Variants in CIMIP2C observed in about 807,000 individuals in gnomAD.
The protein encoded by CIMIP2C is UPF0573 protein C2orf70.
the CIMIP2C span, among the ~76,000 whole-genome samples, chr2:26,576,852 G>A: frequency 6.6e-6 from 1 of 152,206 alleles, no homozygotes; most frequent in Non-Finnish European, 1.5e-5. Context: ...ACAGGTGCAT[G>A]GGCCTGAGCT....
At chr2:26,562,779 T>A in the CIMIP2C span, 1 of 1,135,580 alleles carries the variant, frequency 8.8e-7, no homozygotes, top group Admixed American at 2.0e-5. Context: ...ACTTTGGGGT[T>A]GAAGGAACCC....
chr2:26,567,745 T>C, the CIMIP2C span, among the ~76,000 whole-genome samples: 1 of 152,226 alleles, frequency 6.6e-6, no homozygotes, highest in Non-Finnish European at 1.5e-5. Context: ...TTGTGCCCAT[T>C]CGTTAGTATT....
chr2:26,571,881 C>T, the CIMIP2C span, among the ~76,000 whole-genome samples: 6 of 151,956 alleles, frequency 3.9e-5, no homozygotes, highest in Admixed American at 1.3e-4. Context: ...ATAATCATAC[C>T]ATATTTGCTA....
At chr2:26,564,948 A>G in the CIMIP2C span, among the ~76,000 whole-genome samples, 2 of 152,108 alleles carry the variant, frequency 1.3e-5, no homozygotes, top group African/African-American at 2.4e-5. Context: ...CCTGGCAATA[A>G]CACCATGATC....
chr2:26,576,269 C>T, the CIMIP2C span: 30 of 1,379,522 alleles, frequency 2.2e-5, no homozygotes, highest in African/African-American at 2.9e-5. Context: ...GGGGAGACCT[C>T]GCACCTGCCA....
chr2:26,579,487 C>G, the CIMIP2C span: 12 of 1,595,860 alleles, frequency 7.5e-6, no homozygotes, highest in Non-Finnish European at 1.0e-5. Context: ...TGGGTCGTGA[C>G]CAGCCTGGCT....
chr2:26,565,224 G>A, the CIMIP2C span, among the ~76,000 whole-genome samples: 1 of 152,030 alleles, frequency 6.6e-6, no homozygotes, highest in Non-Finnish European at 1.5e-5. Flanking sequence ...CTGAGTAGCT[G>A]GGATTACAGG....
chr2:26,578,618 C>T, the CIMIP2C span: 2 of 367,568 alleles, frequency 5.4e-6, no homozygotes, highest in East Asian at 7.6e-5. Flanking sequence ...CTCGGGGGCT[C>T]TCTCTAATCT....
chr2:26,568,042 C>T, the CIMIP2C span, among the ~76,000 whole-genome samples: 1 of 152,212 alleles, frequency 6.6e-6, no homozygotes, highest in African/African-American at 2.4e-5. Flanking sequence ...ACACCCCCGC[C>T]CCCAGGCTGA....
the CIMIP2C span, chr2:26,577,436 C>T: frequency 1.2e-5 from 16 of 1,309,932 alleles, no homozygotes; most frequent in Non-Finnish European, 1.8e-5. Context: ...TGCCCAGGTG[C>T]AGCGAGGCAT....
At chr2:26,565,512 C>T in the CIMIP2C span, among the ~76,000 whole-genome samples, 1 of 152,212 alleles carries the variant, frequency 6.6e-6, no homozygotes, top group Non-Finnish European at 1.5e-5. Flanking sequence ...ACCCCAATAT[C>T]TCCCCAACCG....
the CIMIP2C span, chr2:26,562,659 C>A: frequency 6.3e-7 from 1 of 1,582,854 alleles, no homozygotes; most frequent in Non-Finnish European, 8.6e-7. Context: ...TTCAATGCCG[C>A]CTACGTGCCC....
the CIMIP2C span, among the ~76,000 whole-genome samples, chr2:26,566,500 C>T: frequency 1.7e-3 from 255 of 152,310 alleles, no homozygotes; most frequent in African/African-American, 5.9e-3. Flanking sequence ...AACATTCATC[C>T]GTATCTGTGG....
the CIMIP2C span, chr2:26,577,547 A>G: frequency 6.2e-7 from 1 of 1,614,102 alleles, no homozygotes; most frequent in South Asian, 1.1e-5. Flanking sequence ...TACTATCAAG[A>G]CAAGACGGGC....
the CIMIP2C span, among the ~76,000 whole-genome samples, chr2:26,576,745 C>T: frequency 1.3e-5 from 2 of 152,164 alleles, no homozygotes; most frequent in African/African-American, 2.4e-5. Flanking sequence ...GGAGTGAGCT[C>T]GAGGAAGGGG....
chr2:26,576,412 A>G, the CIMIP2C span, among the ~76,000 whole-genome samples: 2 of 151,518 alleles, frequency 1.3e-5, no homozygotes, highest in Non-Finnish European at 1.5e-5. Context: ...AGGACCCCCA[A>G]CTCCTGCTCA....
the CIMIP2C span, among the ~76,000 whole-genome samples, chr2:26,572,472 C>T: frequency 2.0e-5 from 3 of 151,748 alleles, no homozygotes; most frequent in Non-Finnish European, 4.4e-5. Context: ...GAAAGGGTGG[C>T]TTTGTACCCC....
chr2:26,567,887 G>A, the CIMIP2C span, among the ~76,000 whole-genome samples: 1 of 152,328 alleles, frequency 6.6e-6, no homozygotes, highest in Non-Finnish European at 1.5e-5. Context: ...TGTAACCAGG[G>A]ACAGGAATGC....
the CIMIP2C span, chr2:26,576,209 T>TCCTGCCCA: frequency 6.3e-7 from 1 of 1,587,758 alleles, no homozygotes; most frequent in Non-Finnish European, 8.6e-7. Flanking sequence ...TGGCCTCCCC[T>TCCTGCCCA]CCTGCCCACC....
Sources: allele counts gnomAD v4.1 joint callset (sites outside exome capture counted in the v4.1 genomes callset), GRCh38; gene constraint gnomAD v4.1.1; transcripts MANE v1.5; gene names NCBI Gene and HGNC (gene_info 2026-07-23, HGNC 2026-07-21).